Variants in TMCO4 observed in about 807,000 individuals in gnomAD.
TMCO4 encodes the protein transmembrane and coiled-coil domain-containing protein 4.
A neutral mutation model predicts 64.7 loss-of-function variants in TMCO4; 58 were observed. That is an observed-to-expected ratio of 0.90 (90% CI 0.73 to 1.12). TMCO4 has a LOEUF of 1.12. Ranked by LOEUF, TMCO4 falls within the 50% of genes most tolerant of loss-of-function variation. The pLI, the probability that TMCO4 is intolerant of heterozygous loss-of-function variation, is 0.00. For missense variants in TMCO4, 780 were observed against 825.9 expected (o/e 0.94, Z 0.68); for synonymous variants, 325 against 346.1 (o/e 0.94, Z 0.68).
At position 19,752,214 on chromosome 1, in the gene TMCO4, T is replaced by C. The variant is rs1353399910; in HGVS notation, c.515+3420A>G. On this transcript the variant is annotated intron_variant, in intron 7 of 15. Transcript: ENST00000294543. ...GTCACATTTACAATGCCTCCTTCCC[T>C]TTCCTTGGAAGTGAACACTCAGAGA... is the stretch of plus-strand genomic sequence containing the variant. Among the ~76,000 whole-genome samples the C allele has an allele frequency of 3.3e-5, 5 of 152,306 alleles. No individual in the cohort carries two copies. The East Asian group carries it at 9.6e-4, about 29-fold the overall frequency.
rs781049815 is a variant in TMCO4 at position 19,780,609 on chromosome 1, C to G, written c.150G>C (p.Leu50=). The G allele has an allele frequency of 1.9e-6, 3 of 1,610,322 alleles. No individual in the cohort carries two copies. The South Asian group carries it at 3.3e-5, about 18-fold the overall frequency. ...GTTCGGGTTCAGGAAATAACTGGGA[C>G]AGGGAGATGCCACAGAGGGCAGCAT... The part of the protein sequence containing the change: ...FAYAALCGIS[L]SQLFPEPEHS... The change falls in exon 4 of 16, where the codon CTG becomes CTC. Residue 50 remains leucine, a synonymous_variant. Transcript: ENST00000294543.
chr1:19,785,551 C>A (rs2043695842), intron 3 of TMCO4, among the ~76,000 whole-genome samples: 1 of 152,144 alleles, frequency 6.6e-6, no homozygotes, highest in Non-Finnish European at 1.5e-5. Context: ...CTGTTCTGGG[C>A]CTTAGGGCAG....
intron 2 of TMCO4, among the ~76,000 whole-genome samples, chr1:19,793,202 CTT>C (rs201588865): frequency 6.6e-6 from 1 of 151,982 alleles, no homozygotes; most frequent in Non-Finnish European, 1.5e-5. Context: ...TCTCTCTCTC[CTT>C]TTTCTGATTG....
chr1:19,691,410 G>A (rs2095193754), intron 15 of TMCO4, among the ~76,000 whole-genome samples: 1 of 152,188 alleles, frequency 6.6e-6, no homozygotes, highest in Non-Finnish European at 1.5e-5. Context: ...TGACCTCTGG[G>A]CAGGGACATG....
chr1:19,749,774 C>A (rs996914009), intron 7 of TMCO4, among the ~76,000 whole-genome samples: 20 of 152,312 alleles, frequency 1.3e-4, no homozygotes, highest in African/African-American at 4.8e-4. Flanking sequence ...GCCTGGGACC[C>A]AGAACCAGTA....
chr1:19,748,155 C>T (rs567732245), intron 7 of TMCO4, among the ~76,000 whole-genome samples: 1 of 152,182 alleles, frequency 6.6e-6, no homozygotes, highest in South Asian at 2.1e-4. Flanking sequence ...CACTACCTCC[C>T]CATGAACTGT....
At chr1:19,788,664 T>C (rs1571050433) in intron 2 of TMCO4, among the ~76,000 whole-genome samples, 1 of 152,298 alleles carries the variant, frequency 6.6e-6, no homozygotes, top group East Asian at 1.9e-4. Flanking sequence ...GATTGGCATG[T>C]TGGGAATATT....
chr1:19,793,005 A>G (rs114556127), intron 2 of TMCO4, among the ~76,000 whole-genome samples: 1,695 of 152,136 alleles, frequency 0.011, 31 homozygotes, highest in African/African-American at 0.038. Flanking sequence ...ACCTGGCTCA[A>G]GTGATCCTGT....
At chr1:19,769,409 C>A (rs1463109654) in intron 6 of TMCO4, among the ~76,000 whole-genome samples, 1 of 152,234 alleles carries the variant, frequency 6.6e-6, no homozygotes, top group Non-Finnish European at 1.5e-5. Flanking sequence ...AGGCTTCCAA[C>A]TGGCCCAAAG....
intron 14 of TMCO4, among the ~76,000 whole-genome samples, chr1:19,695,923 C>A (rs1369790352): frequency 1.3e-5 from 2 of 152,142 alleles, no homozygotes; most frequent in Non-Finnish European, 2.9e-5. Context: ...CTATGGCCAA[C>A]GTATCAGAGT....
intron 3 of TMCO4, among the ~76,000 whole-genome samples, chr1:19,781,600 A>T (rs1229045999): frequency 1.3e-5 from 2 of 152,084 alleles, no homozygotes; most frequent in Non-Finnish European, 2.9e-5. Context: ...AAAGACTGAG[A>T]ATACCAAGTG....
intron 7 of TMCO4, among the ~76,000 whole-genome samples, chr1:19,751,082 G>C (rs2042002868): frequency 6.6e-6 from 1 of 152,218 alleles, no homozygotes; most frequent in Non-Finnish European, 1.5e-5. Context: ...AAATTGCTGA[G>C]CTAAGCTCTC....
At position 19,745,557 on chromosome 1, in the gene TMCO4, C is replaced by A; in HGVS notation, c.852G>T (p.Thr284=). 6.2e-7 allele frequency: 1 copy of A among 1,614,162 alleles called. No individual in the cohort carries two copies. The highest frequency in any genetic ancestry group is 8.5e-7 in the Non-Finnish European group (1 of 1,180,032). ...GGTATTTGCCAGAAGCGAGCCACCC[C>A]GTGACGGCGATGGTGATGTGCAGCT... ...GRQLHITIAV[T]GWLASGKYRT... The change falls in exon 10 of 16, where the codon ACG becomes ACT. Residue 284 remains threonine (T), a synonymous_variant. Transcript: ENST00000294543.
At chr1:19,745,502 C>T in intron 10 of TMCO4, 30 bp downstream of exon 10, 1 of 1,613,866 alleles carries the variant, frequency 6.2e-7, no homozygotes, top group Non-Finnish European at 8.5e-7. Context: ...CTGCCCACCC[C>T]CCTCCACTTC....
At chr1:19,685,867 C>T (rs897314508) in intron 15 of TMCO4, among the ~76,000 whole-genome samples, 12 of 152,140 alleles carry the variant, frequency 7.9e-5, no homozygotes, top group African/African-American at 2.6e-4. Flanking sequence ...GCATCTGCCA[C>T]GGTGCCCGCT....
At chr1:19,684,041 C>A (rs2092391) in intron 15 of TMCO4, among the ~76,000 whole-genome samples, 5 of 127,724 alleles carry the variant, frequency 3.9e-5, no homozygotes, top group African/African-American at 1.6e-4. Context: ...GGATTACAGG[C>A]GTGAGCCACT....
intron 6 of TMCO4, among the ~76,000 whole-genome samples, chr1:19,763,933 G>C (rs1327551843): frequency 6.6e-6 from 1 of 152,156 alleles, no homozygotes; most frequent in Non-Finnish European, 1.5e-5. Flanking sequence ...GGACATCTTG[G>C]GGATGATTCT....
chr1:19,788,192 T>C (rs911226334), intron 2 of TMCO4, among the ~76,000 whole-genome samples: 2 of 152,236 alleles, frequency 1.3e-5, no homozygotes, highest in Non-Finnish European at 2.9e-5. Context: ...AATGTACCTG[T>C]ACTGTGCCTA....
intron 7 of TMCO4, among the ~76,000 whole-genome samples, chr1:19,751,904 T>C (rs185832409): frequency 5.7e-4 from 86 of 151,844 alleles, no homozygotes; most frequent in African/African-American, 1.8e-3. Flanking sequence ...AAAAATTAGC[T>C]GGGCGTGGTG....
Sources: allele counts gnomAD v4.1 joint callset (sites outside exome capture counted in the v4.1 genomes callset), GRCh38; gene constraint gnomAD v4.1.1; transcripts MANE v1.5; gene names NCBI Gene and HGNC (gene_info 2026-07-23, HGNC 2026-07-21).